CTU2: variants seen among roughly 807,000 people sequenced by gnomAD.
CTU2 encodes the protein cytoplasmic tRNA 2-thiolation protein 2.
CTU2 carries 80 observed loss-of-function variants against 64.1 expected under a neutral mutation model. The observed-to-expected ratio is 1.25, with a 90% CI of 1.04 to 1.50. CTU2 has a LOEUF of 1.50. CTU2 is among the 40% of genes most tolerant of loss of function. The pLI, the probability that CTU2 is intolerant of heterozygous loss-of-function variation, is 0.00. For synonymous variants in CTU2, 482 were observed against 285.3 expected (o/e 1.69, Z -6.95); for missense variants, 1,110 against 690.2 (o/e 1.61, Z -6.81).
At chr16:88,714,261 G>A (rs1290925046) in intron 10 of CTU2, 34 bp downstream of exon 10, 41 of 1,598,658 alleles carry the variant, frequency 2.6e-5, no homozygotes, top group East Asian at 6.7e-5. Context: ...CGGGGGGTGC[G>A]CGGGTGTGTG....
At chr16:88,706,633 C>A in intron 1 of CTU2, 35 bp downstream of exon 1, 1 of 1,355,358 alleles carries the variant, frequency 7.4e-7, no homozygotes, top group Non-Finnish European at 9.5e-7. Flanking sequence ...CAGGCCGCCC[C>A]TCGCCTTCCC....
chr16:88,712,229 C>G, intron 5 of CTU2, 45 bp from the exon 6 acceptor site: 1 of 1,513,228 alleles, frequency 6.6e-7, no homozygotes, highest in African/African-American at 1.4e-5. Context: ...CCTGCCCTGC[C>G]TGGCTCCTCT....
At chr16:88,714,321 A>G (rs975632390) in intron 10 of CTU2, 62 bp from the exon 11 acceptor site, 16 of 1,601,670 alleles carry the variant, frequency 1.0e-5, no homozygotes, top group Non-Finnish European at 1.4e-5. Flanking sequence ...TGCTCAGGCC[A>G]GGGCTTAGGG....
In CTU2 at chr16:88,710,257, G is replaced by C. The variant is rs376556556; in HGVS notation, c.257G>C (p.Ser86Thr). The change falls in exon 4 of 15, where the codon AGC becomes ACC. Residue 86 changes from serine to threonine, a missense_variant. Coordinates refer to ENST00000453996, the MANE Select transcript of CTU2 (RefSeq NM_001012759.3). ...LLAWSGGPSS[S>T]SMVWQVLEGL... is the part of the protein sequence containing the mutation. Reference sequence around the variant, plus strand: ...GCGTGGTCTGGGGGGCCTTCGTCCAGCTCCATGGTCTGGCAGGTTCTTGAG... The same window carrying C: ...GCGTGGTCTGGGGGGCCTTCGTCCACCTCCATGGTCTGGCAGGTTCTTGAG... 1.2e-6 allele frequency: 2 copies of C among 1,613,976 alleles called. No homozygotes were observed. The highest frequency in any genetic ancestry group is 2.7e-5 in the African/African-American group (2 of 74,934).
intron 4 of CTU2, 56 bp from the exon 5 acceptor site, chr16:88,711,579 A>G (rs1911320757): frequency 6.7e-7 from 1 of 1,498,756 alleles, no homozygotes. Context: ...TCTGAGCTGG[A>G]AAAGTGTCCT....
intron 2 of CTU2, chr16:88,709,714 C>T (rs1007697849): frequency 1.8e-6 from 1 of 567,994 alleles, no homozygotes; most frequent in East Asian, 3.0e-5. Flanking sequence ...GCAGTTTGTA[C>T]CTGGTCGTGG....
In CTU2 at chr16:88,712,845, C is replaced by A. The variant is rs1911455924; in HGVS notation, c.677C>A (p.Ser226Tyr). 1 of 1,584,012 alleles carries A rather than the reference C, an allele frequency of 6.3e-7. No individual in the cohort carries two copies. The highest frequency in any genetic ancestry group is 8.6e-7 in the Non-Finnish European group (1 of 1,165,960). Residue 226 changes from serine to tyrosine, a missense_variant, in exon 7 of 15, where the codon TCC (serine) becomes TAC (tyrosine). Physicochemically the swap from Ser to Tyr is moderately radical, Grantham distance 144. Coordinates refer to ENST00000453996, the MANE Select transcript of CTU2 (RefSeq NM_001012759.3). ...GCCCCTGCCCAGACTGAGGCTCTTT[C>A]CCAACTGTTCTGCTCAGTGAGGACA... Reference protein sequence around the residue: ...PPAPAQTEALSQLFCSVRTLT... With the variant: ...PPAPAQTEALYQLFCSVRTLT...
chr16:88,706,716 T>A (rs1910871000), intron 1 of CTU2, 118 bp downstream of exon 1: 1 of 694,430 alleles, frequency 1.4e-6, no homozygotes, highest in Admixed American at 4.0e-5. Flanking sequence ...GGGACCTCGC[T>A]CCCTAGCACT....
At position 88,706,699 on chromosome 16, in the gene CTU2, G is replaced by A. The variant is rs889865548; in HGVS notation, c.68+101G>A. 14 of 879,600 alleles carry A rather than the reference G, an allele frequency of 1.6e-5. No homozygotes were observed. In the East Asian group the frequency reaches 4.3e-4, roughly 27 times the overall value. 54.5% of individuals were successfully genotyped at this position (879,600 alleles called of 1,614,324 possible). On this transcript the variant is annotated intron_variant, in intron 1 of 14. Transcript: ENST00000453996. ...GGGCTTGCTCCGGGAAGCCCCGCGT[G>A]GAGAGCGGGACCTCGCTCCCTAGCA...
Position 88,712,786 on chromosome 16 carries a change from C to T in CTU2, c.618C>T (p.Pro206=). 1 of 1,607,982 alleles carries T rather than the reference C, an allele frequency of 6.2e-7. No individual in the cohort carries two copies. Residue 206 remains proline, a synonymous_variant, in exon 7 of 15, where the codon CCC becomes CCT. Coordinates refer to ENST00000453996, the MANE Select transcript of CTU2 (RefSeq NM_001012759.3). ...PTQGEEQPPQ[P]PLDPQNLARP... ...AAGGGGAGGAACAGCCACCCCAGCCCCCGCTGGACCCCCAGAACCTGGCAA... is the reference window on the plus strand; with the variant it reads ...AAGGGGAGGAACAGCCACCCCAGCCTCCGCTGGACCCCCAGAACCTGGCAA...
At chr16:88,713,935 G>A (rs1036020550) in intron 9 of CTU2, among the ~76,000 whole-genome samples, 157 bp downstream of exon 9, 7 of 152,238 alleles carry the variant, frequency 4.6e-5, no homozygotes, top group South Asian at 2.1e-4. Context: ...ACCCTGTGCC[G>A]TGAGGGTGTG....
rs775809303 is a variant in CTU2 at position 88,714,469 on chromosome 16, T to C, written c.1184T>C (p.Leu395Pro). ...GPRCLLCMCA[L>P]DVDAADSATA... ...CGCTGCCTCCTCTGCATGTGTGCCC[T>C]GGACGTCGACGCCGCTGGTCTGTGT... is the stretch of plus-strand genomic sequence containing the variant. Residue 395 changes from leucine (L) to proline (P), a missense_variant, in exon 11 of 15, where the codon CTG becomes CCG. Transcript: ENST00000453996. 5 of 1,612,584 alleles carry C rather than the reference T, an allele frequency of 3.1e-6. No homozygotes were observed. The South Asian group carries it at 4.4e-5, about 14-fold the overall frequency.
At position 88,706,563 on chromosome 16, in the gene CTU2, G is replaced by A. The variant is rs1377228805; in HGVS notation, c.33G>A (p.Pro11=). 1 of 1,456,944 alleles carries A rather than the reference G, an allele frequency of 6.9e-7. No homozygotes were observed. The highest frequency in any genetic ancestry group is 9.0e-7 in the Non-Finnish European group (1 of 1,111,434). The allele number at this position is 1,456,944 out of a possible 1,614,324, so 90.3% of individuals were successfully genotyped here. Residue 11 remains proline, a synonymous_variant, in exon 1 of 15, where the codon CCG becomes CCA. Coordinates refer to ENST00000453996, the MANE Select transcript of CTU2 (RefSeq NM_001012759.3). ...AGGTGGGCGAGGACTACGGGGAGCC[G>A]GCGCCTGAGGAGCCGCCCCCGGCGC... MCQVGEDYGE[P]APEEPPPAPR... is the part of the protein sequence containing the mutation.
At position 88,713,766 on chromosome 16, in the gene CTU2, C is replaced by A. The variant is rs528392088; in HGVS notation, c.993C>A (p.Ala331=). 1.1e-5 allele frequency: 18 copies of A among 1,612,528 alleles called. No individual in the cohort carries two copies. The highest frequency in any genetic ancestry group is 1.5e-5 in the Non-Finnish European group (18 of 1,179,866). The change falls in exon 9 of 15, where the codon GCC becomes GCA. Residue 331 remains alanine, a synonymous_variant. Transcript: ENST00000453996. The part of the protein sequence containing the change: ...LFSVPSVFTP[A]VDTKAPEKAS... Reference sequence around the variant, plus strand: ...CCGTTCCTTCTGTCTTCACACCAGCCGTCGACACCAAGGTGGGCCTTGTGG... The same window carrying A: ...CCGTTCCTTCTGTCTTCACACCAGCAGTCGACACCAAGGTGGGCCTTGTGG...
intron 5 of CTU2, chr16:88,712,042 C>A (rs1051290792): frequency 6.0e-6 from 4 of 668,138 alleles, no homozygotes; most frequent in African/African-American, 5.3e-5. Flanking sequence ...GGCCGACTCC[C>A]CGACCCTTGC....
rs764035913 is a variant in CTU2 at position 88,714,431 on chromosome 16, C to T, written c.1146C>T (p.Gly382=). 2.2e-5 allele frequency: 35 copies of T among 1,612,418 alleles called. No individual in the cohort carries two copies. Among genetic ancestry groups the T allele is most frequent in the East Asian group, 8.9e-5 (4 of 44,882 alleles). ...GCCCCCGGGATGGCCCTGCTGCTGG[C>T]GACTCCGGCCCCCGCTGCCTCCTCT... ...VKGPRDGPAA[G]DSGPRCLLCM... is the part of the protein sequence containing the mutation. The change falls in exon 11 of 15, where the codon GGC becomes GGT. Residue 382 remains glycine (G), a synonymous_variant. Coordinates refer to ENST00000453996, the MANE Select transcript of CTU2 (RefSeq NM_001012759.3).
chr16:88,706,583 C>G lies in CTU2; in HGVS notation c.53C>G (p.Pro18Arg). The change falls in exon 1 of 15, where the codon CCG becomes CGG. Residue 18 changes from proline to arginine, a missense_variant. Physicochemically the swap from Pro to Arg is moderately radical, Grantham distance 103. Coordinates refer to ENST00000453996, the MANE Select transcript of CTU2 (RefSeq NM_001012759.3). The part of the protein sequence containing the change: ...YGEPAPEEPP[P>R]APRPSREQKC... ...GAGCCGGCGCCTGAGGAGCCGCCCC[C>G]GGCGCCGCGGCCCAGGTAAGAGCTG... 2.1e-6 allele frequency: 3 copies of G among 1,453,224 alleles called. No individual in the cohort carries two copies. The highest frequency in any genetic ancestry group is 3.0e-5 in the East Asian group (1 of 33,296). The allele number at this position is 1,453,224 out of a possible 1,614,324, so 90.0% of individuals were successfully genotyped here.
At chr16:88,706,630 C>T in intron 1 of CTU2, 32 bp downstream of exon 1, 1 of 1,365,804 alleles carries the variant, frequency 7.3e-7, no homozygotes, top group Non-Finnish European at 9.4e-7. Flanking sequence ...CGCCAGGCCG[C>T]CCCTCGCCTT....
chr16:88,708,513 C>A (rs7404845), intron 2 of CTU2, among the ~76,000 whole-genome samples: 32 of 152,114 alleles, frequency 2.1e-4, no homozygotes, highest in African/African-American at 7.5e-4. Flanking sequence ...ACCTGTGTCT[C>A]CTTGTATGAG....
Sources: gnomAD v4.1 joint callset for allele counts (sites outside exome capture counted in the v4.1 genomes callset) on GRCh38, gnomAD v4.1.1 for gene constraint, MANE v1.5 for transcripts, NCBI Gene and HGNC (gene_info 2026-07-23, HGNC 2026-07-21) for gene names.